Variants in CSMD3 observed in about 807,000 individuals in gnomAD.
CSMD3 encodes the protein CUB and sushi domain-containing protein 3.
In CSMD3, 177 loss-of-function variants were observed where a neutral mutation model predicts 435.2. The observed-to-expected ratio is 0.41, with a 90% CI of 0.36 to 0.46. The LOEUF (loss-of-function observed/expected upper bound fraction) is 0.46, where lower values mean the gene tolerates loss of function less well. Ranked by LOEUF, CSMD3 falls within the 20% of genes least tolerant of loss-of-function variation. CSMD3 has a pLI of 0.34. For missense variants in CSMD3, 4,265 were observed against 4,504.6 expected (o/e 0.95, Z 1.52); for synonymous variants, 1,656 against 1,520.5 (o/e 1.09, Z -2.07).
At chr8:113,226,364 A>G (rs1468933498) in intron 3 of CSMD3, among the ~76,000 whole-genome samples, 1 of 151,594 alleles carries the variant, frequency 6.6e-6, no homozygotes, top group Non-Finnish European at 1.5e-5. Flanking sequence ...TGGCTACAAC[A>G]TGGTTTATAC....
intron 30 of CSMD3, among the ~76,000 whole-genome samples, chr8:112,497,850 C>A (rs887197250): frequency 1.3e-5 from 2 of 151,926 alleles, no homozygotes; most frequent in African/African-American, 4.8e-5. Flanking sequence ...CCTGAAGACC[C>A]TGAAGTGGGC....
intron 1 of CSMD3, among the ~76,000 whole-genome samples, chr8:113,344,119 T>C (rs2094137337): frequency 6.6e-6 from 1 of 152,166 alleles, no homozygotes; most frequent in East Asian, 1.9e-4. Flanking sequence ...ACATTTCCAC[T>C]GACTAAAGAA....
At chr8:113,087,585 C>T (rs1188658483) in intron 5 of CSMD3, among the ~76,000 whole-genome samples, 22 of 151,950 alleles carry the variant, frequency 1.4e-4, no homozygotes, top group African/African-American at 5.3e-4. Flanking sequence ...TTTGACAAAC[C>T]TGACAAAAAC....
At chr8:113,296,296 T>TAATAAC (rs2093721302) in intron 2 of CSMD3, among the ~76,000 whole-genome samples, 1 of 149,772 alleles carries the variant, frequency 6.7e-6, no homozygotes, top group African/African-American at 2.4e-5. Flanking sequence ...TAAAGTATAA[T>TAATAAC]AATAATAATA....
intron 5 of CSMD3, among the ~76,000 whole-genome samples, chr8:113,056,359 A>G (rs751832387): frequency 6.6e-6 from 1 of 151,172 alleles, no homozygotes; most frequent in Non-Finnish European, 1.5e-5. Context: ...TAGTTATCAT[A>G]CAGCAGCATA....
At chr8:112,981,586 T>C (rs2130964836) in intron 6 of CSMD3, among the ~76,000 whole-genome samples, 1 of 151,744 alleles carries the variant, frequency 6.6e-6, no homozygotes, top group South Asian at 2.1e-4. Context: ...AATAAATAAA[T>C]AATATATTTG....
At chr8:112,794,455 C>G (rs1438927975) in intron 13 of CSMD3, among the ~76,000 whole-genome samples, 1 of 151,662 alleles carries the variant, frequency 6.6e-6, no homozygotes, top group Non-Finnish European at 1.5e-5. Flanking sequence ...CCACCACGCC[C>G]TGCTAATTTT....
intron 32 of CSMD3, among the ~76,000 whole-genome samples, chr8:112,444,712 G>C (rs1026018655): frequency 6.6e-6 from 1 of 152,204 alleles, no homozygotes; most frequent in African/African-American, 2.4e-5. Flanking sequence ...ATAGAAGGGA[G>C]AGTTGGGGAA....
chr8:113,275,412 C>T (rs56137168), intron 3 of CSMD3, among the ~76,000 whole-genome samples: 15,817 of 152,034 alleles, frequency 0.1, 960 homozygotes, highest in Middle Eastern at 0.17. Context: ...TATTACAATG[C>T]ATATTCCAGG....
At chr8:112,761,614 T>C (rs531029261) in intron 13 of CSMD3, among the ~76,000 whole-genome samples, 2 of 152,198 alleles carry the variant, frequency 1.3e-5, no homozygotes, top group East Asian at 1.9e-4. Context: ...TTGTGAACCA[T>C]ATTTACAAAA....
intron 2 of CSMD3, among the ~76,000 whole-genome samples, chr8:113,302,177 C>T (rs2093773974): frequency 6.9e-6 from 1 of 145,282 alleles, no homozygotes; most frequent in African/African-American, 2.6e-5. Flanking sequence ...GATCTTGAAA[C>T]AGATATCAAT....
chr8:112,327,818 A>G (rs1013368145), intron 45 of CSMD3, among the ~76,000 whole-genome samples: 2 of 152,212 alleles, frequency 1.3e-5, no homozygotes, highest in Non-Finnish European at 2.9e-5. Flanking sequence ...TCCTCGTCCA[A>G]CAAATATGCT....
intron 30 of CSMD3, among the ~76,000 whole-genome samples, chr8:112,499,856 C>T (rs139867393): frequency 1.2e-3 from 185 of 152,018 alleles, no homozygotes; most frequent in Admixed American, 3.9e-3. Context: ...TGGTGGCTTA[C>T]GCCTGTAATC....
intron 41 of CSMD3, among the ~76,000 whole-genome samples, chr8:112,343,407 G>A (rs1198280462): frequency 6.6e-6 from 1 of 152,002 alleles, no homozygotes; most frequent in Non-Finnish European, 1.5e-5. Flanking sequence ...CCACATTTTA[G>A]CCAAAATGAT....
intron 1 of CSMD3, among the ~76,000 whole-genome samples, chr8:113,344,292 G>A (rs1437915954): frequency 6.6e-6 from 1 of 151,986 alleles, no homozygotes; most frequent in African/African-American, 2.4e-5. Context: ...AGTAATTGTG[G>A]GGTATTTTAT....
At chr8:113,194,101 C>A (rs1227089114) in intron 3 of CSMD3, among the ~76,000 whole-genome samples, 2 of 151,022 alleles carry the variant, frequency 1.3e-5, no homozygotes, top group Non-Finnish European at 1.5e-5. Flanking sequence ...AAACCTATAC[C>A]AAAATATAAC....
chr8:112,429,822 G>T (rs1014998174), intron 32 of CSMD3, among the ~76,000 whole-genome samples: 7 of 151,914 alleles, frequency 4.6e-5, no homozygotes, highest in African/African-American at 1.7e-4. Context: ...TGCTGGAATA[G>T]ATCATCAGAA....
chr8:113,322,051 A>G (rs2093952832), intron 1 of CSMD3, among the ~76,000 whole-genome samples: 1 of 152,200 alleles, frequency 6.6e-6, no homozygotes, highest in Admixed American at 6.5e-5. Context: ...ATGTACATAC[A>G]TGAAAAATTT....
At chr8:113,045,127 G>A (rs899050095) in intron 5 of CSMD3, among the ~76,000 whole-genome samples, 1 of 148,874 alleles carries the variant, frequency 6.7e-6, no homozygotes, top group African/African-American at 2.4e-5. Flanking sequence ...GAGAAAAAAA[G>A]TCCAGTATCC....
Sources: allele counts gnomAD v4.1 joint callset (sites outside exome capture counted in the v4.1 genomes callset), GRCh38; gene constraint gnomAD v4.1.1; transcripts MANE v1.5; gene names NCBI Gene and HGNC (gene_info 2026-07-23, HGNC 2026-07-21).